The following CTNNA2 variants were observed in gnomAD, a reference collection of about 807,000 sequenced individuals.
CTNNA2 encodes catenin alpha 2.
A neutral mutation model predicts 101.0 loss-of-function variants in CTNNA2; 42 were observed. That is an observed-to-expected ratio of 0.42 (90% CI 0.32 to 0.54). CTNNA2 has a LOEUF of 0.54. Ranked by LOEUF, CTNNA2 falls within the 20% of genes least tolerant of loss-of-function variation. The pLI, the probability that CTNNA2 is intolerant of heterozygous loss-of-function variation, is 0.14. For missense variants in CTNNA2, 871 were observed against 1,223.1 expected, an observed-to-expected ratio of 0.71 and a Z score of 4.29; for synonymous variants, 450 against 456.4, an observed-to-expected ratio of 0.99 and a Z score of 0.18.
At chr2:79,437,603 C>T (rs1004806370) in intron 4 of CTNNA2, among the ~76,000 whole-genome samples, 5 of 152,300 alleles carry the variant, frequency 3.3e-5, no homozygotes, top group South Asian at 2.1e-4. Flanking sequence ...GCAGTTCTGA[C>T]GCTCTCTCAG....
intron 3 of CTNNA2, among the ~76,000 whole-genome samples, chr2:79,751,593 C>CAAAAAAAAAAA (rs397985098): frequency 4.9e-4 from 34 of 68,844 alleles, no homozygotes; most frequent in Non-Finnish European, 7.6e-4. Flanking sequence ...GACTCCATCT[C>CAAAAAAAAAAA]AAAAAAAAAA....
chr2:79,340,846 A>G (rs1330837561), intron 3 of CTNNA2, among the ~76,000 whole-genome samples: 1 of 149,512 alleles, frequency 6.7e-6, no homozygotes, highest in African/African-American at 2.4e-5. Context: ...AAAAAAAAAA[A>G]AAAAAAAAGA....
intron 3 of CTNNA2, among the ~76,000 whole-genome samples, chr2:79,797,385 G>A (rs1675801658): frequency 6.6e-6 from 1 of 152,126 alleles, no homozygotes; most frequent in Non-Finnish European, 1.5e-5. Flanking sequence ...GCTTGGCTGG[G>A]TGTGATGGCT....
At chr2:80,277,449 A>C (rs1026256538) in intron 7 of CTNNA2, among the ~76,000 whole-genome samples, 1 of 151,412 alleles carries the variant, frequency 6.6e-6, no homozygotes, top group South Asian at 2.1e-4. Flanking sequence ...GAAGCTACCT[A>C]TGAATCCCAC....
intron 3 of CTNNA2, among the ~76,000 whole-genome samples, chr2:79,747,174 G>A (rs143040719): frequency 6.6e-5 from 10 of 152,036 alleles, no homozygotes; most frequent in Non-Finnish European, 1.2e-4. Context: ...AATTTGCAAC[G>A]TTAAATGTGC....
chr2:79,291,695 A>G (rs1280769494), intron 2 of CTNNA2, among the ~76,000 whole-genome samples: 1 of 152,198 alleles, frequency 6.6e-6, no homozygotes, highest in Non-Finnish European at 1.5e-5. Context: ...GTGAATACCC[A>G]AAAAGATTTA....
intron 3 of CTNNA2, among the ~76,000 whole-genome samples, chr2:79,745,769 A>G (rs1291087753): frequency 2.0e-5 from 3 of 152,144 alleles, no homozygotes; most frequent in South Asian, 2.1e-4. Context: ...ATTCCATCGT[A>G]TGTATATACC....
intron 4 of CTNNA2, among the ~76,000 whole-genome samples, chr2:79,458,534 A>C (rs1573175339): frequency 6.6e-6 from 1 of 152,132 alleles, no homozygotes; most frequent in Admixed American, 6.6e-5. Context: ...TTATTTTTTC[A>C]TCACAATAGG....
At chr2:79,649,022 T>C (rs2104461221) in intron 1 of CTNNA2, among the ~76,000 whole-genome samples, 1 of 152,286 alleles carries the variant, frequency 6.6e-6, no homozygotes, top group Non-Finnish European at 1.5e-5. Flanking sequence ...ATTGTTCTTT[T>C]ATTTTTAGAG....
At chr2:80,253,250 T>C (rs529661003) in intron 7 of CTNNA2, among the ~76,000 whole-genome samples, 57 of 152,298 alleles carry the variant, frequency 3.7e-4, no homozygotes, top group African/African-American at 1.3e-3. Flanking sequence ...TTGTCTCTTC[T>C]TGAGAAGAAT....
At chr2:79,953,645 C>T (rs1030892627) in intron 7 of CTNNA2, among the ~76,000 whole-genome samples, 1 of 152,174 alleles carries the variant, frequency 6.6e-6, no homozygotes, top group Non-Finnish European at 1.5e-5. Context: ...CCATCTTGTG[C>T]CTGCTTCTGG....
intron 7 of CTNNA2, among the ~76,000 whole-genome samples, chr2:80,017,400 G>A (rs1280391593): frequency 2.6e-5 from 4 of 151,646 alleles, no homozygotes; most frequent in Non-Finnish European, 5.9e-5. Flanking sequence ...ACATTGATGT[G>A]TACATATAGA....
chr2:80,580,941 G>T (rs888642214), intron 13 of CTNNA2, among the ~76,000 whole-genome samples: 14 of 152,094 alleles, frequency 9.2e-5, no homozygotes, highest in African/African-American at 3.4e-4. Context: ...ACTTGAACCT[G>T]GGAGGTGGAA....
rs1039525454 is a variant in CTNNA2 at position 80,426,650 on chromosome 2, G to A, written c.1290+7049G>A. 2.6e-5 allele frequency among the ~76,000 whole-genome samples: 4 copies of A among 152,018 alleles called. No individual in the cohort carries two copies. In the South Asian group the frequency reaches 8.3e-4, roughly 32 times the overall value. Reference sequence around the variant, plus strand: ...ATTCAGAGACTTCCTCTTCTTATCAGGTTAAAGACCAACATTGTAAAGAAG... The same window carrying A: ...ATTCAGAGACTTCCTCTTCTTATCAAGTTAAAGACCAACATTGTAAAGAAG... On this transcript the variant is annotated intron_variant, in intron 9 of 18. Coordinates refer to ENST00000402739, the MANE Select transcript of CTNNA2 (RefSeq NM_001282597.3).
chr2:80,109,903 A>C (rs1381586798), intron 7 of CTNNA2, among the ~76,000 whole-genome samples: 1 of 152,108 alleles, frequency 6.6e-6, no homozygotes, highest in African/African-American at 2.4e-5. Flanking sequence ...TGTCTATGTG[A>C]CTTGTTGACT....
At chr2:79,585,016 T>A (rs1293740461) in intron 1 of CTNNA2, among the ~76,000 whole-genome samples, 2 of 152,214 alleles carry the variant, frequency 1.3e-5, no homozygotes, top group Non-Finnish European at 2.9e-5. Flanking sequence ...CCTATCTTTT[T>A]GAGTCTTTGG....
chr2:80,054,025 C>G (rs1351971198), intron 7 of CTNNA2, among the ~76,000 whole-genome samples: 1 of 152,232 alleles, frequency 6.6e-6, no homozygotes, highest in Non-Finnish European at 1.5e-5. Context: ...GTGAACCATA[C>G]AGTGGGCAAA....
chr2:80,303,073 G>T lies in CTNNA2; in HGVS notation c.1057-90138G>T, dbSNP rs770677457. On this transcript the variant is annotated intron_variant, in intron 7 of 18. Transcript: ENST00000402739. The surrounding 1 kb of genome is among the most constrained non-coding windows in gnomAD (Gnocchi z 7.7). ...GGTTCCAAACCCAGTCCAGCGAGCT[G>T]ACCACAATGGCCACCTTGTTCCTCC... 26 of 1,613,898 alleles carry T rather than the reference G, an allele frequency of 1.6e-5. No homozygotes were observed. Among genetic ancestry groups the T allele is most frequent in the Non-Finnish European group, 1.9e-5 (23 of 1,180,034 alleles).
chr2:80,367,007 ATTTT>A (rs3040569), intron 7 of CTNNA2, among the ~76,000 whole-genome samples: 1 of 142,526 alleles, frequency 7.0e-6, no homozygotes, highest in East Asian at 2.1e-4. Context: ...AAATGGTTGC[ATTTT>A]TTTTTTTTTT....
Sources: allele counts gnomAD v4.1 joint callset (sites outside exome capture counted in the v4.1 genomes callset), GRCh38; gene constraint gnomAD v4.1.1; non-coding constraint Gnocchi (gnomAD v3.1); transcripts MANE v1.5; gene names NCBI Gene and HGNC (gene_info 2026-07-23, HGNC 2026-07-21).